RBFOX1: variants seen among roughly 807,000 people sequenced by gnomAD.
RBFOX1 encodes RNA binding fox-1 homolog 1.
In RBFOX1, 8 loss-of-function variants were observed where a neutral mutation model predicts 57.7. The observed-to-expected ratio is 0.14, with a 90% CI of 0.08 to 0.25. The LOEUF (loss-of-function observed/expected upper bound fraction) is 0.25. Ranked by LOEUF, RBFOX1 falls within the 10% of genes least tolerant of loss-of-function variation. The pLI, the probability that RBFOX1 is intolerant of heterozygous loss-of-function variation, is 1.00. For missense variants in RBFOX1, 611 were observed against 548.5 expected (o/e 1.11, Z -1.14); for synonymous variants, 326 against 222.4 (o/e 1.47, Z -4.15).
rs541016642 is a variant in RBFOX1 at position 6,830,992 on chromosome 16, C to A, written c.-16+176342C>A. 2.0e-5 allele frequency among the ~76,000 whole-genome samples: 3 copies of A among 152,310 alleles called. No individual in the cohort carries two copies. The South Asian group carries it at 6.2e-4, about 32-fold the overall frequency. ...ATGTAAAGTTCTCCAAATGTGGATG[C>A]CATAGAACCTTCGGATTTACCATCT... On this transcript the variant is annotated intron_variant, in intron 3 of 15. Coordinates refer to ENST00000550418, the MANE Select transcript of RBFOX1 (RefSeq NM_018723.4).
At chr16:7,306,520 C>T (rs2096190604) in intron 4 of RBFOX1, among the ~76,000 whole-genome samples, 1 of 152,050 alleles carries the variant, frequency 6.6e-6, no homozygotes, top group Non-Finnish European at 1.5e-5. Flanking sequence ...AAAGGACTTG[C>T]ACTGCTATCT....
intron 3 of RBFOX1, among the ~76,000 whole-genome samples, chr16:5,652,707 T>C (rs2049280966): frequency 6.6e-6 from 1 of 152,138 alleles, no homozygotes; most frequent in African/African-American, 2.4e-5. Context: ...AATGTGCCTT[T>C]CAGAGAGGCA....
intron 4 of RBFOX1, among the ~76,000 whole-genome samples, chr16:7,071,066 C>G (rs1053004120): frequency 2.0e-5 from 3 of 152,318 alleles, no homozygotes; most frequent in Middle Eastern, 6.8e-3. Flanking sequence ...ACAAGCCTAT[C>G]TTTACTCAAA....
chr16:7,187,886 C>G (rs984879032), intron 4 of RBFOX1, among the ~76,000 whole-genome samples: 2 of 151,970 alleles, frequency 1.3e-5, no homozygotes, highest in Non-Finnish European at 2.9e-5. Flanking sequence ...AAAATGTTCA[C>G]CATGTATTGT....
chr16:6,749,004 G>A (rs1485742454), intron 3 of RBFOX1: 1 of 152,150 alleles, frequency 6.6e-6, no homozygotes, highest in Non-Finnish European at 1.5e-5. Flanking sequence ...TTTTGAAAGG[G>A]AAGAATTAAA....
intron 4 of RBFOX1, among the ~76,000 whole-genome samples, chr16:7,083,339 T>G (rs1158691685): frequency 6.6e-6 from 1 of 152,024 alleles, no homozygotes; most frequent in Non-Finnish European, 1.5e-5. Context: ...CGAATCTCAT[T>G]CCTTGCAGAG....
intron 4 of RBFOX1, among the ~76,000 whole-genome samples, chr16:7,317,712 T>A (rs746437223): frequency 3.9e-5 from 6 of 152,190 alleles, no homozygotes; most frequent in Non-Finnish European, 7.3e-5. Context: ...TTCACGGGAA[T>A]GTGAAACAGA....
intron 3 of RBFOX1, among the ~76,000 whole-genome samples, chr16:6,734,095 G>A (rs916442227): frequency 6.6e-6 from 1 of 152,150 alleles, no homozygotes; most frequent in African/African-American, 2.4e-5. Flanking sequence ...TGAAATTCCA[G>A]TCTTATTACC....
chr16:6,539,664 G>A (rs2153830343), intron 2 of RBFOX1, among the ~76,000 whole-genome samples: 1 of 152,162 alleles, frequency 6.6e-6, no homozygotes, highest in Admixed American at 6.5e-5. Flanking sequence ...CATGCCTGGT[G>A]GCCAGCACCT....
At chr16:5,822,186 A>T (rs1336199165) in intron 3 of RBFOX1, among the ~76,000 whole-genome samples, 2 of 152,238 alleles carry the variant, frequency 1.3e-5, no homozygotes, top group Non-Finnish European at 2.9e-5. Flanking sequence ...CTCAGGAATG[A>T]AAAACCAAAC....
chr16:5,662,063 G>A lies in RBFOX1; in HGVS notation c.318+63102G>A, dbSNP rs150829977. Among the ~76,000 whole-genome samples, 863 of 152,244 alleles carry A rather than the reference G, an allele frequency of 5.7e-3. 5 individuals are homozygous for A. The highest frequency in any genetic ancestry group is 0.019 in the African/African-American group (797 of 41,550). On this transcript the variant is annotated intron_variant, in intron 3 of 19. Coordinates refer to the RBFOX1 transcript ENST00000641259. Reference sequence around the variant, plus strand: ...GGCCTCCCAAAGTGCTGGGATTACAGGCATGAGCTACCGCGCCCGGCCAAA... The same window carrying A: ...GGCCTCCCAAAGTGCTGGGATTACAAGCATGAGCTACCGCGCCCGGCCAAA...
At chr16:5,638,262 T>C (rs2048750774) in intron 3 of RBFOX1, among the ~76,000 whole-genome samples, 1 of 152,046 alleles carries the variant, frequency 6.6e-6, no homozygotes, top group Admixed American at 6.5e-5. Flanking sequence ...CCCAGACAGG[T>C]GGAAGAGCCT....
intron 3 of RBFOX1, among the ~76,000 whole-genome samples, chr16:5,785,891 A>G (rs953194387): frequency 1.3e-5 from 2 of 152,124 alleles, no homozygotes; most frequent in Non-Finnish European, 2.9e-5. Context: ...ACGTTAGACC[A>G]CATCACCTCA....
At chr16:6,251,526 C>T (rs1284353725) in intron 1 of RBFOX1, among the ~76,000 whole-genome samples, 1 of 151,990 alleles carries the variant, frequency 6.6e-6, no homozygotes, top group Non-Finnish European at 1.5e-5. Context: ...GTTTGGGGCT[C>T]TTTACAGTAT....
At chr16:5,405,650 T>C (rs535355093) in intron 1 of RBFOX1, among the ~76,000 whole-genome samples, 1 of 152,290 alleles carries the variant, frequency 6.6e-6, no homozygotes, top group East Asian at 1.9e-4. Flanking sequence ...TCAGTGCTCA[T>C]AGAGTCTGAG....
rs77404169 is a variant in RBFOX1, at chr16:7,472,570, G to A, written c.28-45577G>A. Among the ~76,000 whole-genome samples, 195 of 152,248 alleles carry A rather than the reference G, an allele frequency of 1.3e-3. 3 individuals are homozygous for A. The East Asian group carries it at 0.032, about 25-fold the overall frequency. The stretch of plus-strand genomic sequence containing the variant: ...ACACAGTGCAAATATACAACATAGC[G>A]TTTACTGTGAAACGACTCCTTCCAC... On this transcript the variant is annotated intron_variant, in intron 4 of 15. Transcript: ENST00000550418.
At chr16:6,514,228 G>T (rs1314862698) in intron 2 of RBFOX1, among the ~76,000 whole-genome samples, 2 of 152,128 alleles carry the variant, frequency 1.3e-5, no homozygotes, top group Non-Finnish European at 2.9e-5. Flanking sequence ...TTAAAAGGAT[G>T]TTTAGAATGC....
intron 3 of RBFOX1, among the ~76,000 whole-genome samples, chr16:6,837,180 A>G (rs1160236692): frequency 1.3e-5 from 2 of 152,238 alleles, no homozygotes; most frequent in Non-Finnish European, 2.9e-5. Flanking sequence ...TTAAATAACT[A>G]AAATCAGGTT....
chr16:6,407,335 C>A (rs1042070578), intron 2 of RBFOX1, among the ~76,000 whole-genome samples: 1 of 152,054 alleles, frequency 6.6e-6, no homozygotes. Context: ...TAATCCATTT[C>A]TATCTCTATA....
Sources: gnomAD v4.1 joint callset for allele counts (sites outside exome capture counted in the v4.1 genomes callset) on GRCh38, gnomAD v4.1.1 for gene constraint, MANE v1.5 for transcripts, NCBI Gene and HGNC (gene_info 2026-07-23, HGNC 2026-07-21) for gene names.